The following ARMCX4 variants were observed in gnomAD, a reference collection of about 807,000 sequenced individuals.
ARMCX4 encodes the protein armadillo repeat containing X-linked 4.
In ARMCX4, 3 loss-of-function variants were observed where a neutral mutation model predicts 34.7. The observed-to-expected ratio is 0.09, with a 90% CI of 0.04 to 0.22. ARMCX4 has a LOEUF of 0.22. Among genes scored for constraint, ARMCX4 ranks in the 10% least tolerant of loss-of-function variants. The probability of loss-of-function intolerance (pLI) is 1.00; values close to 1 mark genes in which losing one functional copy is unlikely to be tolerated. For missense variants in ARMCX4, 1,448 were observed against 1,720.8 expected (o/e 0.84, Z 2.81); for synonymous variants, 513 against 632.8 (o/e 0.81, Z 2.84).
intron 4 of ARMCX4, among the ~76,000 whole-genome samples, chrX:101,467,027 CCTTAT>C (rs1256920816): frequency 8.9e-6 from 1 of 111,933 alleles, no homozygotes; most frequent in Non-Finnish European, 1.9e-5. Flanking sequence ...ATAGTAGTGG[CCTTAT>C]CTTATTCCAT....
chrX:101,489,628 A>G lies in ARMCX4; in HGVS notation c.1039A>G (p.Met347Val), dbSNP rs1483284054. The stretch of plus-strand genomic sequence containing the variant: ...TGATGCCGGGGGTAACACCAATGCC[A>G]TGTGTAAGGTGGGGGCAGGGGCAGA... ...KIDAGGNTNA[M>V]CKVGAGADVR... The change falls in exon 6 of 6, where the codon ATG becomes GTG. Residue 347 changes from methionine to valine, a missense_variant. By Grantham distance (21) the Met-to-Val change is conservative (BLOSUM62 1). This residue lies in a region of ARMCX4 where 1,343 missense variants were observed against 1,540.7 expected (regional missense o/e 0.87). Transcript: ENST00000423738. 7 of 1,153,130 alleles carry G rather than the reference A, an allele frequency of 6.1e-6. No individual in the cohort carries two copies. The East Asian group carries it at 2.0e-4, about 32-fold the overall frequency.
intron 2 of ARMCX4, among the ~76,000 whole-genome samples, chrX:101,433,016 A>C (rs1299554193): frequency 1.2e-5 from 1 of 80,933 alleles, no homozygotes; most frequent in Non-Finnish European, 2.7e-5. Flanking sequence ...ATATATACAC[A>C]TATGTATACA....
chrX:101,486,114 A>G (rs781826601), intron 2 of ARMCX4, 22 bp downstream of exon 2: 1 of 111,352 alleles, frequency 9.0e-6, no homozygotes, highest in African/African-American at 3.3e-5. Flanking sequence ...TACAGACACT[A>G]TCTAAACCAT....
At chrX:101,476,210 G>C (rs2147638245) in intron 4 of ARMCX4, among the ~76,000 whole-genome samples, 1 of 108,387 alleles carries the variant, frequency 9.2e-6, no homozygotes, top group East Asian at 2.9e-4. Context: ...CTATGTTCCA[G>C]GCCCTGTTTC....
At chrX:101,442,653 C>T (rs184533067) in intron 2 of ARMCX4, among the ~76,000 whole-genome samples, 43 of 111,359 alleles carry the variant, frequency 3.9e-4, no homozygotes, top group Middle Eastern at 4.6e-3. Flanking sequence ...TGACCAAAAG[C>T]AGGTCTGCCT....
intron 2 of ARMCX4, among the ~76,000 whole-genome samples, chrX:101,421,991 G>GTTATTATTA (rs200537627): frequency 0.027 from 2,618 of 96,356 alleles, 99 homozygotes; most frequent in African/African-American, 0.09. Context: ...TGGGGGATCA[G>GTTATTATTA]TTATTATTAT....
rs191050307 is a variant in ARMCX4, at chrX:101,493,367, C to T, written c.4778C>T (p.Thr1593Ile). The part of the protein sequence containing the change: ...GGFWPGAGDQ[T>I]GGGSRPGSED... The stretch of plus-strand genomic sequence containing the variant: ...TTCTGGCCTGGTGCTGGGGACCAGA[C>T]TGGTGGAGGCTCCAGGCCAGGGTCT... The change falls in exon 6 of 6, where the codon ACT becomes ATT. Residue 1593 changes from threonine to isoleucine, a missense_variant. Physicochemically the swap from Thr to Ile is moderately conservative, Grantham distance 89 (BLOSUM62 -1). Around this residue, in one of 2 missense-constraint regions of ARMCX4, gnomAD observed 1,343 missense variants for 1,540.7 expected, o/e 0.87. Transcript: ENST00000423738. 7.0e-5 allele frequency: 81 copies of T among 1,152,947 alleles called. No individual in the cohort carries two copies. The African/African-American group carries it at 1.1e-3, about 16-fold the overall frequency.
At chrX:101,500,836 A>G (rs1238293417) in intron 7 of ARMCX4, among the ~76,000 whole-genome samples, 1 of 111,763 alleles carries the variant, frequency 8.9e-6, no homozygotes, top group African/African-American at 3.3e-5. Flanking sequence ...GACCACTCGA[A>G]CATCCTTCAG....
At chrX:101,518,805 G>A (rs1603227223) in intron 11 of ARMCX4, among the ~76,000 whole-genome samples, 1 of 111,193 alleles carries the variant, frequency 9.0e-6, no homozygotes, top group Non-Finnish European at 1.9e-5. Context: ...TCGAAGCTTA[G>A]CTGGTAAGCT....
rs782218966 is a variant in ARMCX4, at chrX:101,432,846, A to G, written n.165-11206A>G. 1.5e-4 allele frequency among the ~76,000 whole-genome samples: 15 copies of G among 99,283 alleles called. No homozygotes were observed. In the South Asian group the frequency reaches 1.7e-3, roughly 11 times the overall value. The allele number at this position is 99,283 out of a possible 115,157, so 86.2% of individuals were successfully genotyped here. A position where few individuals can be genotyped will look rare whatever the true frequency, so the allele number is the denominator to read the frequency against. The stretch of plus-strand genomic sequence containing the variant: ...TATATACGTGTATATATGTATACAT[A>G]TGTGTATATATACACGTATATATAC... On this transcript the variant is annotated intron_variant and non_coding_transcript_variant, in intron 2 of 3. Coordinates refer to the ARMCX4 transcript ENST00000430461.
At chrX:101,425,311 G>A (rs984142428) in intron 2 of ARMCX4, among the ~76,000 whole-genome samples, 2 of 111,461 alleles carry the variant, frequency 1.8e-5, no homozygotes, top group African/African-American at 6.5e-5. Context: ...TGGTGTCCTG[G>A]ATGGATCTAT....
In ARMCX4 at chrX:101,490,352, G is replaced by T; in HGVS notation, c.1763G>T (p.Gly588Val). 8.7e-7 allele frequency: 1 copy of T among 1,153,466 alleles called. No individual in the cohort carries two copies. Among genetic ancestry groups the T allele is most frequent in the Non-Finnish European group, 1.1e-6 (1 of 871,978 alleles). The change falls in exon 6 of 6, where the codon GGT becomes GTT. Residue 588 changes from glycine (G) to valine (V), a missense_variant. Coordinates refer to ENST00000423738, the MANE Select transcript of ARMCX4 (RefSeq NM_001256155.3). Reference sequence around the variant, plus strand: ...ACTAAGGCAGACCAGAGGGTCTGTGGTCAGCCCCTGGTTGTGGCCAATCCC... The same window carrying T: ...ACTAAGGCAGACCAGAGGGTCTGTGTTCAGCCCCTGGTTGTGGCCAATCCC... ...AGTKADQRVC[G>V]QPLVVANPQG... is the part of the protein sequence containing the mutation.
At chrX:101,438,985 G>T (rs1348866307) in intron 2 of ARMCX4, among the ~76,000 whole-genome samples, 3 of 111,473 alleles carry the variant, frequency 2.7e-5, no homozygotes, top group Admixed American at 9.6e-5. Flanking sequence ...AAGTTAATAT[G>T]GTTATGTGTG....
chrX:101,512,860 G>GTGTATA (rs1556016760), intron 11 of ARMCX4, among the ~76,000 whole-genome samples: 5 of 97,358 alleles, frequency 5.1e-5, no homozygotes, highest in South Asian at 9.7e-4. Flanking sequence ...GTGTATATAT[G>GTGTATA]TATATATATG....
chrX:101,427,665 G>A (rs782358386), intron 2 of ARMCX4, among the ~76,000 whole-genome samples: 4 of 111,816 alleles, frequency 3.6e-5, no homozygotes, highest in South Asian at 7.4e-4. Flanking sequence ...ACAGGCATGA[G>A]CCACTGTGCC....
intron 2 of ARMCX4, among the ~76,000 whole-genome samples, chrX:101,438,485 A>T (rs1381003122): frequency 3.6e-5 from 4 of 111,009 alleles, no homozygotes; most frequent in Non-Finnish European, 7.5e-5. Context: ...GAATGGCGTG[A>T]ACCCGGGAGG....
chrX:101,457,148 G>T (rs185482292), intron 4 of ARMCX4, among the ~76,000 whole-genome samples: 77 of 111,493 alleles, frequency 6.9e-4, no homozygotes, highest in African/African-American at 2.3e-3. Flanking sequence ...CCACATTCTG[G>T]AATTTACTGA....
At chrX:101,420,501 A>G (rs1407078208) in intron 2 of ARMCX4, among the ~76,000 whole-genome samples, 3 of 112,313 alleles carry the variant, frequency 2.7e-5, no homozygotes, top group Non-Finnish European at 5.6e-5. Flanking sequence ...TAGCAAGCAA[A>G]TAGCCATGCA....
chrX:101,480,968 CA>C (rs1331818368), upstream of ARMCX4, among the ~76,000 whole-genome samples: 1 of 110,418 alleles, frequency 9.1e-6, no homozygotes, highest in African/African-American at 3.3e-5. Context: ...ACCAAAAGTA[CA>C]AAAATTAGCT....
Sources: gnomAD v4.1 joint callset for allele counts (sites outside exome capture counted in the v4.1 genomes callset) on GRCh38, gnomAD v4.1.1 for gene constraint, gnomAD v4.1.1 regional missense constraint, MANE v1.5 for transcripts, NCBI Gene and HGNC (gene_info 2026-07-23, HGNC 2026-07-21) for gene names.